DOCK3: variants seen among roughly 807,000 people sequenced by gnomAD.
The protein encoded by DOCK3 is dedicator of cytokinesis 3, also known as dedicator of cytokinesis protein 3.
A neutral mutation model predicts 265.6 loss-of-function variants in DOCK3; 60 were observed. The ratio of observed to expected loss-of-function variants is 0.23; its 90% confidence interval spans 0.18 to 0.28. DOCK3 has a LOEUF of 0.28. Ranked by LOEUF, DOCK3 falls within the 10% of genes least tolerant of loss-of-function variation. The probability of loss-of-function intolerance (pLI) is 1.00; values close to 1 mark genes in which losing one functional copy is unlikely to be tolerated. For missense variants in DOCK3, 1,981 were observed against 2,594.3 expected, an observed-to-expected ratio of 0.76 and a Z score of 5.14; for synonymous variants, 881 against 938.0, an observed-to-expected ratio of 0.94 and a Z score of 1.11.
chr3:50,821,228 G>GAGAC (rs1256826897), intron 2 of DOCK3, among the ~76,000 whole-genome samples: 1 of 150,018 alleles, frequency 6.7e-6, no homozygotes, highest in Non-Finnish European at 1.5e-5. Flanking sequence ...AGTTGCTTTG[G>GAGAC]AGACTTAGCC....
At chr3:50,984,496 A>G (rs541542445) in intron 5 of DOCK3, among the ~76,000 whole-genome samples, 1 of 152,326 alleles carries the variant, frequency 6.6e-6, no homozygotes, top group Non-Finnish European at 1.5e-5. Flanking sequence ...TTTGCTTCAT[A>G]TAGTACTTTT....
chr3:51,156,073 G>T (rs1034455272), intron 10 of DOCK3, among the ~76,000 whole-genome samples: 1 of 151,996 alleles, frequency 6.6e-6, no homozygotes, highest in African/African-American at 2.4e-5. Flanking sequence ...TTAGAGTTCA[G>T]AATTGAACTT....
intron 1 of DOCK3, among the ~76,000 whole-genome samples, chr3:50,720,500 A>G (rs1455790132): frequency 1.3e-5 from 2 of 152,238 alleles, no homozygotes; most frequent in African/African-American, 4.8e-5. Flanking sequence ...GTAGTATTCC[A>G]TGGTGTATAT....
intron 20 of DOCK3, 59 bp downstream of exon 20, chr3:51,236,487 A>T: frequency 6.8e-7 from 1 of 1,460,602 alleles, no homozygotes; most frequent in Non-Finnish European, 9.4e-7. Flanking sequence ...TATTTCAGAA[A>T]ATTTAAGGGA....
At chr3:51,113,500 C>T (rs539346081) in intron 9 of DOCK3, among the ~76,000 whole-genome samples, 8 of 152,248 alleles carry the variant, frequency 5.3e-5, no homozygotes, top group East Asian at 1.9e-4. Context: ...TGAAGCTTCT[C>T]GAACATTAAT....
intron 9 of DOCK3, among the ~76,000 whole-genome samples, chr3:51,140,870 T>C (rs1243227728): frequency 2.6e-5 from 4 of 152,352 alleles, no homozygotes; most frequent in Middle Eastern, 6.8e-3. Context: ...CATCTTTTCA[T>C]GTGTTTATTT....
intron 23 of DOCK3, among the ~76,000 whole-genome samples, chr3:51,267,993 G>A (rs941061596): frequency 6.6e-6 from 1 of 152,104 alleles, no homozygotes; most frequent in African/African-American, 2.4e-5. Context: ...GCCTGTTGGG[G>A]GTCGGGGGAC....
chr3:50,689,983 A>G (rs1201560905), intron 1 of DOCK3, among the ~76,000 whole-genome samples: 3 of 152,022 alleles, frequency 2.0e-5, no homozygotes, highest in East Asian at 1.9e-4. Context: ...ATGAAGTCCA[A>G]TTTATCTGTT....
chr3:51,285,790 C>T (rs546572031), intron 27 of DOCK3, among the ~76,000 whole-genome samples: 2 of 152,104 alleles, frequency 1.3e-5, no homozygotes, highest in East Asian at 3.9e-4. Context: ...AAAAAATTAG[C>T]TGGGTGTGGT....
At chr3:50,983,758 T>G (rs1221696199) in intron 5 of DOCK3, among the ~76,000 whole-genome samples, 1 of 152,160 alleles carries the variant, frequency 6.6e-6, no homozygotes, top group East Asian at 1.9e-4. Context: ...CCCGCCAAAC[T>G]GGTGAGGCTA....
At chr3:51,281,312 A>T (rs569347669) in intron 27 of DOCK3, among the ~76,000 whole-genome samples, 40 of 136,614 alleles carry the variant, frequency 2.9e-4, no homozygotes, top group African/African-American at 1.2e-3. Context: ...TATATCTCAT[A>T]ATATTTTAAG....
intron 17 of DOCK3, among the ~76,000 whole-genome samples, chr3:51,228,385 T>C (rs1331477718): frequency 6.6e-6 from 1 of 152,226 alleles, no homozygotes; most frequent in Non-Finnish European, 1.5e-5. Context: ...AGACCTGCTA[T>C]TTGAGATCAT....
chr3:51,198,371 A>G (rs1384723958), intron 12 of DOCK3, among the ~76,000 whole-genome samples: 9 of 152,146 alleles, frequency 5.9e-5, no homozygotes, highest in Admixed American at 5.9e-4. Flanking sequence ...GAAGTGACAA[A>G]ACCCAGCAGG....
chr3:51,242,999 C>G (rs1307330373), intron 21 of DOCK3, among the ~76,000 whole-genome samples: 2 of 152,062 alleles, frequency 1.3e-5, no homozygotes, highest in Non-Finnish European at 2.9e-5. Flanking sequence ...ACATGGGGCC[C>G]CCAGGTCACC....
chr3:50,986,964 C>T (rs891649551), intron 5 of DOCK3, among the ~76,000 whole-genome samples: 2 of 152,240 alleles, frequency 1.3e-5, no homozygotes, highest in African/African-American at 4.8e-5. Flanking sequence ...CACATACTAA[C>T]TCTGTCCGTT....
chr3:51,086,648 A>G (rs2082439016), intron 7 of DOCK3, among the ~76,000 whole-genome samples: 1 of 152,126 alleles, frequency 6.6e-6, no homozygotes, highest in African/African-American at 2.4e-5. Flanking sequence ...AAATACAAAA[A>G]TTAGCTGATC....
intron 1 of DOCK3, among the ~76,000 whole-genome samples, chr3:50,733,729 A>G (rs184896108): frequency 1.1e-4 from 17 of 152,172 alleles, no homozygotes; most frequent in Middle Eastern, 3.4e-3. Flanking sequence ...TAAAGCCATC[A>G]TTGATAGGTA....
chr3:51,292,265 C>CAGTT (rs750132928), intron 27 of DOCK3, among the ~76,000 whole-genome samples: 3 of 152,008 alleles, frequency 2.0e-5, no homozygotes, highest in African/African-American at 4.8e-5. Flanking sequence ...CTAGCCAGAG[C>CAGTT]AGTTAGGCAA....
Position 51,357,118 on chromosome 3 carries a change from G to T in DOCK3, c.4660G>T (p.Gly1554Ter). Residue 1554 changes from glycine (G) to a stop codon, truncating the protein, a stop_gained, in exon 44 of 53, where the codon GGA (glycine) becomes TGA (stop). Coordinates refer to ENST00000266037, the MANE Select transcript of DOCK3 (RefSeq NM_004947.5). LOFTEE classifies it high-confidence loss of function. ...TGGTGTCATTGATGCAGCTGTCAATGGAGGCATTGCACGCTATCAGGAGGT... is the reference window on the plus strand; with the variant it reads ...TGGTGTCATTGATGCAGCTGTCAATTGAGGCATTGCACGCTATCAGGAGGT... ...LNGVIDAAVNGGIARYQEAFF... is the reference protein window; with the variant it reads ...LNGVIDAAVN 6.2e-7 allele frequency: 1 copy of T among 1,612,416 alleles called. No homozygotes were observed. The highest frequency in any genetic ancestry group is 8.5e-7 in the Non-Finnish European group (1 of 1,179,812).
Sources: allele counts gnomAD v4.1 joint callset (sites outside exome capture counted in the v4.1 genomes callset), GRCh38; gene constraint gnomAD v4.1.1; transcripts MANE v1.5; gene names NCBI Gene and HGNC (gene_info 2026-07-23, HGNC 2026-07-21).